The following NCOA3 variants were observed in gnomAD, a reference collection of about 807,000 sequenced individuals.
The protein encoded by NCOA3 is nuclear receptor coactivator 3.
Under a neutral mutation model 158.8 loss-of-function variants are expected in NCOA3, and 51 were observed. The ratio of observed to expected loss-of-function variants is 0.32; its 90% CI spans 0.26 to 0.41. NCOA3 has a LOEUF of 0.41. Among genes scored for constraint, NCOA3 ranks in the 10% least tolerant of loss-of-function variants. NCOA3 has a pLI of 1.00. For synonymous variants in NCOA3, 537 were observed against 592.4 expected, an observed-to-expected ratio of 0.91 and a Z score of 1.36; for missense variants, 1,510 against 1,746.6, an observed-to-expected ratio of 0.86 and a Z score of 2.41.
chr20:47,572,162 T>C (rs188128331), intron 1 of NCOA3, among the ~76,000 whole-genome samples: 95 of 152,356 alleles, frequency 6.2e-4, no homozygotes, highest in Non-Finnish European at 1.9e-4. Flanking sequence ...CTTTGGCTTA[T>C]GGAATATTGT....
At chr20:47,556,365 CT>C (rs1399454450) in intron 1 of NCOA3, among the ~76,000 whole-genome samples, 1 of 152,172 alleles carries the variant, frequency 6.6e-6, no homozygotes, top group Non-Finnish European at 1.5e-5. Flanking sequence ...TTGTGACTAA[CT>C]CCACAAGGTT....
At chr20:47,565,791 CT>C (rs1158949451) in intron 1 of NCOA3, among the ~76,000 whole-genome samples, 1 of 152,056 alleles carries the variant, frequency 6.6e-6, no homozygotes, top group African/African-American at 2.4e-5. Flanking sequence ...GGATTTGAAT[CT>C]TTTTTTCCTC....
chr20:47,642,434 G>T, intron 17 of NCOA3, 50 bp downstream of exon 17: 1 of 1,332,094 alleles, frequency 7.5e-7, no homozygotes, highest in South Asian at 1.8e-5. Context: ...GTGTGTGTGC[G>T]CGCGTACACA....
rs530948062 is a variant in NCOA3 at position 47,544,815 on chromosome 20, C to T, written c.-98-38368C>T. Among the ~76,000 whole-genome samples, 4 of 152,164 alleles carry T rather than the reference C, an allele frequency of 2.6e-5. No individual in the cohort carries two copies. In the East Asian group the frequency reaches 7.7e-4, roughly 29 times the overall value. The stretch of plus-strand genomic sequence containing the variant: ...ATGTAGTATAAAGTGTCACTTAGAA[C>T]CCTCATTCAGGTTTTTACAGATAAA... On this transcript the variant is annotated intron_variant, in intron 1 of 22. Coordinates refer to ENST00000371998, the MANE Select transcript of NCOA3 (RefSeq NM_181659.3).
rs202192720 is a variant in NCOA3, at chr20:47,568,337, G to GA, written c.-98-14837dup. 4.6e-3 allele frequency among the ~76,000 whole-genome samples: 686 copies of GA among 150,562 alleles called. 5 individuals carry two copies. The highest frequency in any genetic ancestry group is 0.014 in the African/African-American group (566 of 41,068). ...CTTTGGAATAGTTCACATGGTAGAA[G>GA]AAAAAAAAATACAGGCATACCTCAG... On this transcript the variant is annotated intron_variant, in intron 1 of 22. Transcript: ENST00000371998.
intron 1 of NCOA3, among the ~76,000 whole-genome samples, chr20:47,511,550 T>TATATATATACATACATAC: frequency 7.7e-5 from 4 of 52,270 alleles, no homozygotes; most frequent in African/African-American, 1.6e-4. Context: ...TATATATATA[T>TATATATATACATACATAC]ATATATTTCT....
chr20:47,538,047 T>G (rs1457329573), intron 1 of NCOA3, among the ~76,000 whole-genome samples: 1 of 152,000 alleles, frequency 6.6e-6, no homozygotes, highest in Non-Finnish European at 1.5e-5. Context: ...GCCTGGCTAA[T>G]TTTTGTATTT....
intron 10 of NCOA3, among the ~76,000 whole-genome samples, chr20:47,634,920 C>CTTT (rs66801245): frequency 3.2e-4 from 38 of 120,094 alleles, no homozygotes; most frequent in Non-Finnish European, 4.9e-4. Context: ...TTCTCTTCTT[C>CTTT]TTTTTTTTTT....
intron 1 of NCOA3, among the ~76,000 whole-genome samples, chr20:47,532,452 TA>T (rs951206684): frequency 6.6e-6 from 1 of 151,928 alleles, no homozygotes; most frequent in African/African-American, 2.4e-5. Context: ...ACTTCAACTT[TA>T]AAAAAAATTC....
chr20:47,556,190 C>A (rs992287470), intron 1 of NCOA3, among the ~76,000 whole-genome samples: 1 of 152,166 alleles, frequency 6.6e-6, no homozygotes, highest in Non-Finnish European at 1.5e-5. Context: ...CCGCCTTGGC[C>A]TCCCAAAGTG....
intron 1 of NCOA3, among the ~76,000 whole-genome samples, chr20:47,556,317 T>C (rs963042414): frequency 1.3e-5 from 2 of 152,202 alleles, no homozygotes; most frequent in African/African-American, 4.8e-5. Flanking sequence ...ATGATGGAAC[T>C]GTTTATGTGG....
chr20:47,528,786 T>G (rs990588314), intron 1 of NCOA3, among the ~76,000 whole-genome samples: 2 of 152,208 alleles, frequency 1.3e-5, no homozygotes, highest in African/African-American at 2.4e-5. Context: ...TTTCTTTTTC[T>G]TTTTGAAACG....
At chr20:47,511,985 C>G (rs2084149399) in intron 1 of NCOA3, among the ~76,000 whole-genome samples, 1 of 151,758 alleles carries the variant, frequency 6.6e-6, no homozygotes, top group African/African-American at 2.4e-5. Flanking sequence ...ATGCATGTAA[C>G]AAAATTACAC....
rs118179708 is a variant in NCOA3, at chr20:47,540,108, G to T, written c.-99+38089G>T. ...GATTGAGGTCTCTCAGATTTCGGAG[G>T]CCATGCCCTTTTTACCACCCTACAT... is the stretch of plus-strand genomic sequence containing the variant. On this transcript the variant is annotated intron_variant, in intron 1 of 22. Coordinates refer to ENST00000371998, the MANE Select transcript of NCOA3 (RefSeq NM_181659.3). Among the ~76,000 whole-genome samples, 7 of 152,248 alleles carry T rather than the reference G, an allele frequency of 4.6e-5. 1 individual carries two copies. The East Asian group carries it at 1.3e-3, about 29-fold the overall frequency.
chr20:47,523,237 C>T (rs1289074608), intron 1 of NCOA3, among the ~76,000 whole-genome samples: 1 of 152,166 alleles, frequency 6.6e-6, no homozygotes, highest in African/African-American at 2.4e-5. Flanking sequence ...TTTCCTATAA[C>T]ATTATCCCCT....
chr20:47,554,706 G>A (rs911038225), intron 1 of NCOA3, among the ~76,000 whole-genome samples: 9 of 152,046 alleles, frequency 5.9e-5, no homozygotes, highest in African/African-American at 2.2e-4. Context: ...TGAAATAAAA[G>A]AGGATACAAA....
In NCOA3 at chr20:47,544,967, C is replaced by T. The variant is rs2084804148; in HGVS notation, c.-98-38216C>T. On this transcript the variant is annotated intron_variant, in intron 1 of 22. Transcript: ENST00000371998. ...TTATGGGAACAGTATTCCTTGTGTT[C>T]CCCTATGTTTGAGAAGTTTGTCTGC... Among the ~76,000 whole-genome samples the T allele has an allele frequency of 3.3e-5, 5 of 152,058 alleles. No homozygotes were observed. The South Asian group carries it at 1.0e-3, about 32-fold the overall frequency.
chr20:47,615,855 A>C (rs930363422), intron 2 of NCOA3, among the ~76,000 whole-genome samples: 1 of 152,174 alleles, frequency 6.6e-6, no homozygotes, highest in African/African-American at 2.4e-5. Flanking sequence ...CATTGTTACT[A>C]TTCTACATTA....
chr20:47,581,630 GGTT>G (rs1376616289), intron 1 of NCOA3, among the ~76,000 whole-genome samples: 3 of 152,142 alleles, frequency 2.0e-5, no homozygotes, highest in African/African-American at 7.2e-5. Context: ...GCGTAATTAT[GGTT>G]GTTATCTTGG....
Sources: allele counts gnomAD v4.1 joint callset (sites outside exome capture counted in the v4.1 genomes callset), GRCh38; gene constraint gnomAD v4.1.1; transcripts MANE v1.5; gene names NCBI Gene and HGNC (gene_info 2026-07-23, HGNC 2026-07-21).